NRG1: variants seen among roughly 807,000 people sequenced by gnomAD.
NRG1 encodes pro-neuregulin-1, membrane-bound isoform.
NRG1 carries 18 observed loss-of-function variants against 63.8 expected under a neutral mutation model. That is an observed-to-expected ratio of 0.28 (90% confidence interval 0.19 to 0.42). The LOEUF is 0.42. Among genes scored for constraint, NRG1 ranks in the 10% least tolerant of loss-of-function variants. The probability of loss-of-function intolerance (pLI) is 1.00; values close to 1 mark genes in which losing one functional copy is unlikely to be tolerated. For synonymous variants in NRG1, 302 were observed against 301.3 expected (o/e 1.00, Z -0.02); for missense variants, 762 against 814.7 (o/e 0.94, Z 0.79).
In NRG1 at chr8:32,351,421, G is replaced by A. The variant is rs972956207; in HGVS notation, c.38-244407G>A. Among the ~76,000 whole-genome samples the A allele has an allele frequency of 2.0e-5, 3 of 152,212 alleles. No individual in the cohort carries two copies. In the South Asian group the frequency reaches 6.2e-4, roughly 32 times the overall value. On this transcript the variant is annotated intron_variant, in intron 1 of 10. Transcript: ENST00000519301. Reference sequence around the variant, plus strand: ...GTTTTCTTAACCAAAATCTTTCGGGGTACTTCGGTCCATAAAAGGCTAAGA... The same window carrying A: ...GTTTTCTTAACCAAAATCTTTCGGGATACTTCGGTCCATAAAAGGCTAAGA...
chr8:31,658,588 G>A (rs751960313), intron 1 of NRG1, among the ~76,000 whole-genome samples: 69 of 152,182 alleles, frequency 4.5e-4, no homozygotes, highest in Admixed American at 1.6e-3. Flanking sequence ...TCAGCCTCCC[G>A]GGTAGCTGGG....
intron 1 of NRG1, among the ~76,000 whole-genome samples, chr8:32,003,010 C>T (rs1813195261): frequency 6.6e-6 from 1 of 151,994 alleles, no homozygotes; most frequent in African/African-American, 2.4e-5. Flanking sequence ...ATTTTTAACC[C>T]ATATTGCTGT....
At chr8:32,707,579 A>T (rs1451506732) in intron 5 of NRG1, among the ~76,000 whole-genome samples, 1 of 152,108 alleles carries the variant, frequency 6.6e-6, no homozygotes, top group African/African-American at 2.4e-5. Flanking sequence ...GGGTTTCTGT[A>T]TTCAATGTTA....
At chr8:31,885,353 C>T (rs1236916349) in intron 1 of NRG1, among the ~76,000 whole-genome samples, 1 of 151,908 alleles carries the variant, frequency 6.6e-6, no homozygotes, top group Non-Finnish European at 1.5e-5. Flanking sequence ...TACAGTCAAG[C>T]TGTTTATAAA....
chr8:32,155,827 T>C (rs1043293071), intron 1 of NRG1, among the ~76,000 whole-genome samples: 2 of 152,230 alleles, frequency 1.3e-5, no homozygotes, highest in Admixed American at 6.5e-5. Context: ...ACTGCCTTTT[T>C]ATTTCTTACT....
At chr8:31,985,921 G>T (rs1316858523) in intron 1 of NRG1, among the ~76,000 whole-genome samples, 1 of 152,062 alleles carries the variant, frequency 6.6e-6, no homozygotes, top group Admixed American at 6.6e-5. Context: ...TTCCTAGTTT[G>T]AACTCTCCAA....
intron 1 of NRG1, among the ~76,000 whole-genome samples, chr8:32,148,468 G>A (rs945426148): frequency 1.3e-5 from 2 of 152,082 alleles, no homozygotes; most frequent in African/African-American, 2.4e-5. Context: ...GCGCGATCTC[G>A]GCTCACTGCA....
intron 1 of NRG1, among the ~76,000 whole-genome samples, chr8:32,573,688 C>T (rs944665720): frequency 6.6e-6 from 1 of 151,814 alleles, no homozygotes; most frequent in Admixed American, 6.6e-5. Flanking sequence ...TTTTAGGGTA[C>T]ATGTGCACAA....
intron 11 of NRG1, 49 bp from the exon 12 acceptor site, chr8:32,763,699 G>A: frequency 6.7e-7 from 1 of 1,497,840 alleles, no homozygotes; most frequent in South Asian, 1.3e-5. Context: ...TCCCTGCTAT[G>A]TGCCTCTTAT....
intron 1 of NRG1, among the ~76,000 whole-genome samples, chr8:32,265,274 G>A (rs1850800544): frequency 6.6e-6 from 1 of 152,024 alleles, no homozygotes. Flanking sequence ...GGTGGTGGCT[G>A]CAGTGAGCCA....
At chr8:32,435,337 T>C (rs992119747) in intron 1 of NRG1, among the ~76,000 whole-genome samples, 7 of 152,176 alleles carry the variant, frequency 4.6e-5, no homozygotes, top group Admixed American at 4.6e-4. Flanking sequence ...GGGAGATTTA[T>C]ATTTAAGAGC....
intron 1 of NRG1, among the ~76,000 whole-genome samples, chr8:32,595,602 T>C (rs549735178): frequency 1.3e-5 from 2 of 152,228 alleles, no homozygotes; most frequent in African/African-American, 4.8e-5. Context: ...TTTTAAGGAA[T>C]AATTTTCTAA....
intron 1 of NRG1, among the ~76,000 whole-genome samples, chr8:31,927,480 G>A (rs376835603): frequency 0.023 from 2,525 of 111,880 alleles, 46 homozygotes; most frequent in Middle Eastern, 0.12. Context: ...ACGGAGTCTC[G>A]CTCTGTCGCC....
intron 1 of NRG1, among the ~76,000 whole-genome samples, chr8:32,413,205 C>T (rs1815362083): frequency 6.6e-6 from 1 of 152,140 alleles, no homozygotes; most frequent in Admixed American, 6.6e-5. Context: ...AATATCTAAA[C>T]AACTTAAATG....
At chr8:31,639,350 C>T in exon 1 of NRG1, 1 of 1,533,264 alleles carries the variant, frequency 6.5e-7, no homozygotes, top group African/African-American at 1.4e-5. Context: ...GACGGGGACG[C>T]CCAGGAGGAC....
intron 1 of NRG1, among the ~76,000 whole-genome samples, chr8:31,907,518 C>T (rs1187290966): frequency 1.3e-5 from 2 of 152,032 alleles, no homozygotes; most frequent in Non-Finnish European, 2.9e-5. Flanking sequence ...CTTTAGAAGG[C>T]TTACCTGGCC....
intron 1 of NRG1, among the ~76,000 whole-genome samples, chr8:32,304,030 A>T (rs1218241648): frequency 6.6e-6 from 1 of 152,248 alleles, no homozygotes; most frequent in African/African-American, 2.4e-5. Flanking sequence ...ACTACAAAAA[A>T]AACTCAGAAT....
chr8:32,763,732 TTCTG>T lies in NRG1; in HGVS notation c.1260-14_1260-11del. The T allele has an allele frequency of 6.5e-7, 1 of 1,528,314 alleles. No individual in the cohort carries two copies. The highest frequency in any genetic ancestry group is 8.8e-7 in the Non-Finnish European group (1 of 1,138,938). The allele number at this position is 1,528,314 out of a possible 1,614,324, so 94.7% of individuals were successfully genotyped here. On this transcript the variant is annotated splice_polypyrimidine_tract_variant and intron_variant, in intron 11 of 11. Coordinates refer to ENST00000356819, the Ensembl canonical transcript of NRG1. ...TATTGCACCACACTTATGCAGGGTA[TTCTG>T]TGCTCACACAGGTATGTGTCAGCCA...
intron 1 of NRG1, among the ~76,000 whole-genome samples, chr8:32,538,734 T>C (rs982876164): frequency 6.6e-6 from 1 of 152,218 alleles, no homozygotes; most frequent in African/African-American, 2.4e-5. Context: ...TAAATGTAAA[T>C]TGTGAATTAT....
Sources: allele counts gnomAD v4.1 joint callset (sites outside exome capture counted in the v4.1 genomes callset), GRCh38; gene constraint gnomAD v4.1.1; transcripts MANE v1.5; gene names NCBI Gene and HGNC (gene_info 2026-07-23, HGNC 2026-07-21).